UTS2B: variants seen among roughly 807,000 people sequenced by gnomAD.
UTS2B encodes urotensin 2B.
In UTS2B, 21 loss-of-function variants were observed where a neutral mutation model predicts 19.2. The observed-to-expected ratio is 1.09, with a 90% CI of 0.78 to 1.58. The LOEUF (loss-of-function observed/expected upper bound fraction) is 1.58, where lower values mean the gene tolerates loss of function less well. Among genes scored for constraint, UTS2B ranks in the 40% most tolerant of loss-of-function variants. The pLI is 0.00. For missense variants in UTS2B, 138 were observed against 130.3 expected (o/e 1.06, Z -0.29); for synonymous variants, 57 against 50.2 (o/e 1.14, Z -0.58).
At chr3:191,325,913 C>A (rs1269577180) in intron 2 of UTS2B, among the ~76,000 whole-genome samples, 1 of 152,166 alleles carries the variant, frequency 6.6e-6, no homozygotes, top group Non-Finnish European at 1.5e-5. Context: ...GTTATTTAAG[C>A]CATTCAGTCT....
At chr3:191,327,469 A>G (rs1251098302) in intron 2 of UTS2B, among the ~76,000 whole-genome samples, 1 of 152,192 alleles carries the variant, frequency 6.6e-6, no homozygotes, top group Non-Finnish European at 1.5e-5. Context: ...GGAAGCCATC[A>G]CACTCTAGGC....
chr3:191,317,675 T>C (rs1321563184), intron 2 of UTS2B, among the ~76,000 whole-genome samples: 1 of 152,174 alleles, frequency 6.6e-6, no homozygotes, highest in Non-Finnish European at 1.5e-5. Flanking sequence ...GCCTCCCTGG[T>C]TAATGCGATT....
intron 2 of UTS2B, among the ~76,000 whole-genome samples, chr3:191,323,808 A>G (rs1485307467): frequency 6.6e-6 from 1 of 152,212 alleles, no homozygotes; most frequent in Admixed American, 6.5e-5. Context: ...AGGTTCTTGT[A>G]TAATTGAAGA....
chr3:191,313,914 A>G (rs1179815418), intron 3 of UTS2B, among the ~76,000 whole-genome samples: 1 of 151,926 alleles, frequency 6.6e-6, no homozygotes, highest in African/African-American at 2.4e-5. Flanking sequence ...TATTTTTAGT[A>G]GAGACAGGGT....
upstream of UTS2B, among the ~76,000 whole-genome samples, chr3:191,331,677 C>CATTAG (rs1405146055): frequency 2.0e-5 from 3 of 152,156 alleles, no homozygotes; most frequent in Non-Finnish European, 4.4e-5. Flanking sequence ...ATGTATTATA[C>CATTAG]TAGGAATGTC....
At chr3:191,320,280 T>C (rs1272201737) in intron 2 of UTS2B, among the ~76,000 whole-genome samples, 3 of 152,216 alleles carry the variant, frequency 2.0e-5, no homozygotes, top group Non-Finnish European at 4.4e-5. Flanking sequence ...GTTATTGGCA[T>C]ACAGGGTCTT....
At chr3:191,322,676 C>A (rs1163060644) in intron 2 of UTS2B, among the ~76,000 whole-genome samples, 1 of 152,036 alleles carries the variant, frequency 6.6e-6, no homozygotes, top group African/African-American at 2.4e-5. Flanking sequence ...GGAATTACAG[C>A]AAGTTTTAGA....
chr3:191,320,073 A>G (rs145136478), intron 2 of UTS2B, among the ~76,000 whole-genome samples: 18 of 152,272 alleles, frequency 1.2e-4, no homozygotes, highest in Non-Finnish European at 2.4e-4. Context: ...TCACATAGAC[A>G]AAGTTTCAGT....
At chr3:191,299,976 T>C (rs1167162493) in intron 4 of UTS2B, among the ~76,000 whole-genome samples, 2 of 152,254 alleles carry the variant, frequency 1.3e-5, no homozygotes, top group African/African-American at 2.4e-5. Context: ...GACTGCCCCA[T>C]TGGCTTTCAG....
chr3:191,313,626 G>A (rs1717362799), intron 3 of UTS2B, among the ~76,000 whole-genome samples: 1 of 151,742 alleles, frequency 6.6e-6, no homozygotes, highest in Non-Finnish European at 1.5e-5. Flanking sequence ...CATACTGTCT[G>A]CTCACCTGCA....
At chr3:191,278,205 G>C in intron 5 of UTS2B, 35 bp from the exon 6 acceptor site, 1 of 1,182,946 alleles carries the variant, frequency 8.5e-7, no homozygotes, top group Non-Finnish European at 1.2e-6. Flanking sequence ...TTCAATTTGA[G>C]TCACCGAAAA....
intron 4 of UTS2B, among the ~76,000 whole-genome samples, chr3:191,292,917 T>C (rs191038735): frequency 3.9e-5 from 6 of 152,150 alleles, no homozygotes; most frequent in Admixed American, 2.0e-4. Context: ...GACTATAGAA[T>C]AAAATTCCCC....
At chr3:191,298,264 TAC>T (rs1287845912) in intron 4 of UTS2B, among the ~76,000 whole-genome samples, 2 of 152,202 alleles carry the variant, frequency 1.3e-5, no homozygotes, top group African/African-American at 4.8e-5. Flanking sequence ...AACTTGGAGA[TAC>T]AGTTTGGATT....
At chr3:191,286,804 T>C (rs1333712792) in intron 4 of UTS2B, among the ~76,000 whole-genome samples, 1 of 148,890 alleles carries the variant, frequency 6.7e-6, no homozygotes, top group Non-Finnish European at 1.5e-5. Context: ...AGAAGAACAA[T>C]AGAAAAGAGC....
chr3:191,300,443 T>C (rs924285918), intron 4 of UTS2B, among the ~76,000 whole-genome samples: 1 of 152,338 alleles, frequency 6.6e-6, no homozygotes, highest in Non-Finnish European at 1.5e-5. Flanking sequence ...AACTAACTTG[T>C]TTTTAGTTTT....
Position 191,267,546 on chromosome 3 carries a change from A to AC in UTS2B, c.*869dup, listed in dbSNP as rs1200230129. The stretch of plus-strand genomic sequence containing the variant: ...GGATCAGCAGGTTGAGAAATAACAG[A>AC]CACACACAAGATAGTGAAAGCTGGG... On this transcript the variant is annotated 3_prime_UTR_variant, in exon 9 of 9. Coordinates refer to ENST00000340524, the MANE Select transcript of UTS2B (RefSeq NM_198152.5). The AC allele has an allele frequency of 7.2e-5, 11 of 152,208 alleles. No individual in the cohort carries two copies. The highest frequency in any genetic ancestry group is 7.2e-4 in the Admixed American group (11 of 15,272). 9.4% of individuals were successfully genotyped at this position (152,208 alleles called of 1,614,324 possible). A position where few individuals can be genotyped will look rare whatever the true frequency, so the allele number is the denominator to read the frequency against.
chr3:191,322,570 T>C (rs563366004), intron 2 of UTS2B, among the ~76,000 whole-genome samples: 9 of 152,210 alleles, frequency 5.9e-5, no homozygotes, highest in Admixed American at 1.3e-4. Context: ...ACCATAAGAA[T>C]AGACAAATAT....
chr3:191,275,220 G>A (rs749401739), intron 8 of UTS2B, 32 bp downstream of exon 8: 1 of 1,484,862 alleles, frequency 6.7e-7, no homozygotes, highest in Admixed American at 1.9e-5. Flanking sequence ...TCTTTTGGAA[G>A]TCAATCTTAA....
intron 3 of UTS2B, among the ~76,000 whole-genome samples, chr3:191,310,531 C>T (rs1480587333): frequency 6.6e-6 from 1 of 152,172 alleles, no homozygotes; most frequent in Non-Finnish European, 1.5e-5. Flanking sequence ...TGTGAATTGA[C>T]ATTTGGGAAA....
Sources: allele counts gnomAD v4.1 joint callset (sites outside exome capture counted in the v4.1 genomes callset), GRCh38; gene constraint gnomAD v4.1.1; transcripts MANE v1.5; gene names NCBI Gene and HGNC (gene_info 2026-07-23, HGNC 2026-07-21).